The following SMARCA5 variants were observed in gnomAD, a reference collection of about 807,000 sequenced individuals.
SMARCA5 encodes the protein SWI/SNF-related matrix-associated actin-dependent regulator of chromatin subfamily A member 5.
Under a neutral mutation model 140.4 loss-of-function variants are expected in SMARCA5, and 18 were observed. The observed-to-expected ratio is 0.13, with a 90% CI of 0.09 to 0.19. The LOEUF (loss-of-function observed/expected upper bound fraction) is 0.19. SMARCA5 is among the 10% of genes least tolerant of loss of function. The pLI is 1.00. For missense variants in SMARCA5, 606 were observed against 1,276.8 expected (o/e 0.47, Z 8.01); for synonymous variants, 449 against 419.6 (o/e 1.07, Z -0.86).
At chr4:143,529,153 T>C (rs1737132387) in intron 8 of SMARCA5, among the ~76,000 whole-genome samples, 1 of 152,182 alleles carries the variant, frequency 6.6e-6, no homozygotes, top group Non-Finnish European at 1.5e-5. Flanking sequence ...CAGGCTGGTC[T>C]CAAGCTCCTG....
chr4:143,513,810 G>C lies in SMARCA5; in HGVS notation c.-115G>C. The stretch of plus-strand genomic sequence containing the variant: ...GCGCGGCGCAGGGGAGCGCTCGGGT[G>C]GGAGTCTCGCTCCTCCACCAGTTTA... On this transcript the variant is annotated 5_prime_UTR_variant, in exon 1 of 24. Coordinates refer to ENST00000283131, the MANE Select transcript of SMARCA5 (RefSeq NM_003601.4). 2 of 1,225,442 alleles carry C rather than the reference G, an allele frequency of 1.6e-6. No homozygotes were observed. Among genetic ancestry groups the C allele is most frequent in the Non-Finnish European group, 2.2e-6 (2 of 893,970 alleles). 75.9% of individuals were successfully genotyped at this position (1,225,442 alleles called of 1,614,324 possible). A position where few individuals can be genotyped will look rare whatever the true frequency, so the allele number is the denominator to read the frequency against.
chr4:143,541,901 A>T (rs1036565483), intron 14 of SMARCA5, among the ~76,000 whole-genome samples: 1 of 151,008 alleles, frequency 6.6e-6, no homozygotes, highest in Non-Finnish European at 1.5e-5. Context: ...CTTGTTACTC[A>T]GGCTGGAGTG....
At chr4:143,549,314 T>C (rs1040529797) in intron 22 of SMARCA5, among the ~76,000 whole-genome samples, 1 of 152,252 alleles carries the variant, frequency 6.6e-6, no homozygotes, top group East Asian at 1.9e-4. Flanking sequence ...GTGTGTGTAG[T>C]AGTATCACTT....
intron 9 of SMARCA5, among the ~76,000 whole-genome samples, chr4:143,533,963 A>G (rs1737251284): frequency 6.6e-6 from 1 of 152,202 alleles, no homozygotes; most frequent in South Asian, 2.1e-4. Flanking sequence ...CAGATACTGC[A>G]TTTTTAAGAA....
intron 23 of SMARCA5, among the ~76,000 whole-genome samples, chr4:143,552,640 C>T (rs1182287542): frequency 2.6e-5 from 4 of 151,910 alleles, no homozygotes; most frequent in Non-Finnish European, 4.4e-5. Flanking sequence ...TACTGTTAGT[C>T]TCTAAGCTTT....
At position 143,513,921 on chromosome 4, in the gene SMARCA5, C is replaced by A. The variant is rs377295689; in HGVS notation, c.-4C>A. 1.0e-4 allele frequency: 155 copies of A among 1,542,210 alleles called. No individual in the cohort carries two copies. Among genetic ancestry groups the A allele is most frequent in the Non-Finnish European group, 1.3e-4 (150 of 1,150,722 alleles). On this transcript the variant is annotated 5_prime_UTR_variant, in exon 1 of 24. Transcript: ENST00000283131. Reference sequence around the variant, plus strand: ...GCAGCAGCGGGTGACGCAGACGGAACATCATGTCGTCCGCGGCCGAGCCTC... The same window carrying A: ...GCAGCAGCGGGTGACGCAGACGGAAAATCATGTCGTCCGCGGCCGAGCCTC...
In SMARCA5 at chr4:143,553,154, T is replaced by C; in HGVS notation, c.3129T>C (p.Gly1043=). The C allele has an allele frequency of 6.2e-7, 1 of 1,612,680 alleles. No individual in the cohort carries two copies. Among genetic ancestry groups the C allele is most frequent in the Non-Finnish European group, 8.5e-7 (1 of 1,178,934 alleles). The change falls in exon 24 of 24, where the codon GGT becomes GGC. Residue 1043 remains glycine (G), a synonymous_variant. Transcript: ENST00000283131. ...GTAAAATGGATGGCGCACCTGATGG[T>C]CGAGGAAGAAAAAAGAAGCTGAAAC... ...QKRKMDGAPD[G]RGRKKKLKL
intron 22 of SMARCA5, among the ~76,000 whole-genome samples, chr4:143,549,061 T>C (rs777887865): frequency 4.6e-5 from 7 of 152,082 alleles, no homozygotes; most frequent in Non-Finnish European, 1.0e-4. Flanking sequence ...AAAGCTTATT[T>C]CTTCTTAAGT....
At position 143,555,320 on chromosome 4, in the gene SMARCA5, C is replaced by T; in HGVS notation, c.*2136C>T. On this transcript the variant is annotated 3_prime_UTR_variant, in exon 24 of 24. Coordinates refer to ENST00000283131, the MANE Select transcript of SMARCA5 (RefSeq NM_003601.4). ...GCTTTTACCACCTCCAAAATTGCTT[C>T]AATCATTACCAAATCTATTATAGCA... is the stretch of plus-strand genomic sequence containing the variant. 1 of 741,288 alleles carries T rather than the reference C, an allele frequency of 1.3e-6. No homozygotes were observed. Among genetic ancestry groups the T allele is most frequent in the East Asian group, 2.5e-5 (1 of 39,980 alleles). The allele number at this position is 741,288 out of a possible 1,614,324, so 45.9% of individuals were successfully genotyped here. A position where few individuals can be genotyped will look rare whatever the true frequency, so the allele number is the denominator to read the frequency against.
chr4:143,523,654 C>G (rs559322972), intron 3 of SMARCA5, among the ~76,000 whole-genome samples: 1 of 152,194 alleles, frequency 6.6e-6, no homozygotes, highest in Admixed American at 6.5e-5. Context: ...TCTTGGAAGG[C>G]CGCTTATCCT....
At chr4:143,548,599 C>T (rs1319554614) in intron 22 of SMARCA5, among the ~76,000 whole-genome samples, 1 of 151,816 alleles carries the variant, frequency 6.6e-6, no homozygotes, top group Non-Finnish European at 1.5e-5. Context: ...GTTTTTATTC[C>T]CAATATCTGA....
At chr4:143,517,983 A>G (rs1736876304) in intron 2 of SMARCA5, among the ~76,000 whole-genome samples, 1 of 152,184 alleles carries the variant, frequency 6.6e-6, no homozygotes, top group South Asian at 2.1e-4. Context: ...ATATGATGTC[A>G]TTATCTAGTT....
At chr4:143,534,031 A>G (rs375418526) in intron 9 of SMARCA5, among the ~76,000 whole-genome samples, 4 of 152,314 alleles carry the variant, frequency 2.6e-5, no homozygotes, top group African/African-American at 4.8e-5. Context: ...AAGGAAGTCT[A>G]TCAATAAACA....
chr4:143,521,645 T>C, intron 3 of SMARCA5, 50 bp downstream of exon 3: 10 of 1,445,734 alleles, frequency 6.9e-6, no homozygotes, highest in Non-Finnish European at 9.5e-6. Flanking sequence ...TTTTCGATAG[T>C]CTTCAGTGGA....
In SMARCA5 at chr4:143,530,520, T is replaced by C; in HGVS notation, c.1152T>C (p.Leu384=). The change falls in exon 9 of 24, where the codon CTT becomes CTC. Residue 384 remains leucine (L), a synonymous_variant. Transcript: ENST00000283131. ...CLGDQKLVER[L]HMVLRPFLLR... is the part of the protein sequence containing the mutation. ...GGGATCAAAAACTAGTTGAGAGGCT[T>C]CATATGGTAAGTATTTTGGAGTAGT... 1 of 1,608,662 alleles carries C rather than the reference T, an allele frequency of 6.2e-7. No homozygotes were observed.
At chr4:143,524,150 C>T (rs1250467131) in intron 3 of SMARCA5, among the ~76,000 whole-genome samples, 2 of 151,966 alleles carry the variant, frequency 1.3e-5, no homozygotes, top group East Asian at 3.9e-4. Context: ...GTTAATGTAT[C>T]GTACTGGTGT....
intron 21 of SMARCA5, 33 bp from the exon 22 acceptor site, chr4:143,547,895 T>C (rs1379118534): frequency 8.2e-7 from 1 of 1,220,836 alleles, no homozygotes. Context: ...ATAGGATTTG[T>C]ATTTTATATA....
chr4:143,546,644 A>G lies in SMARCA5; in HGVS notation c.2521-132A>G, dbSNP rs1262329151. 6 of 733,296 alleles carry G rather than the reference A, an allele frequency of 8.2e-6. No individual in the cohort carries two copies. In the East Asian group the frequency reaches 1.1e-4, roughly 13 times the overall value. The allele number at this position is 733,296 out of a possible 1,614,324, so 45.4% of individuals were successfully genotyped here. ...CAAAAGTGTATATTTATGTACACGA[A>G]AAGTTACCACTCTAAAAGAACTTAA... On this transcript the variant is annotated intron_variant, in intron 19 of 23. Transcript: ENST00000283131.
chr4:143,536,660 C>T lies in SMARCA5; in HGVS notation c.1477C>T (p.Pro493Ser). ...GKMVVLDKLL[P>S]KLKEQGSRVL... ...AATGGTGGTTTTAGACAAGCTGCTC[C>T]CTAAGTTAAAAGAACAAGGTATCGG... Residue 493 changes from proline (P) to serine (S), a missense_variant, in exon 11 of 24, where the codon CCT becomes TCT. Physicochemically the swap from Pro to Ser is moderately conservative, Grantham distance 74. This residue lies in a region of SMARCA5 where 68 missense variants were observed against 126.9 expected (regional missense o/e 0.54). Transcript: ENST00000283131. The T allele has an allele frequency of 1.2e-6, 2 of 1,611,716 alleles. No individual in the cohort carries two copies. Among genetic ancestry groups the T allele is most frequent in the East Asian group, 2.2e-5 (1 of 44,792 alleles).
Sources: allele counts gnomAD v4.1 joint callset (sites outside exome capture counted in the v4.1 genomes callset), GRCh38; gene constraint gnomAD v4.1.1; regional missense constraint gnomAD v4.1.1; transcripts MANE v1.5; gene names NCBI Gene and HGNC (gene_info 2026-07-23, HGNC 2026-07-21).